Variants in RGS9 observed in about 807,000 individuals in gnomAD.
RGS9 encodes regulator of G-protein signalling 9.
A neutral mutation model predicts 102.0 loss-of-function variants in RGS9; 78 were observed. The ratio of observed to expected loss-of-function variants is 0.76; its 90% CI spans 0.64 to 0.92. RGS9 has a LOEUF of 0.92. Ranked by LOEUF, RGS9 falls within the 40% of genes least tolerant of loss-of-function variation. The pLI is 0.00. For missense variants in RGS9, 833 were observed against 866.1 expected, an observed-to-expected ratio of 0.96 and a Z score of 0.48; for synonymous variants, 353 against 318.6, an observed-to-expected ratio of 1.11 and a Z score of -1.15.
At chr17:65,144,244 C>T (rs766306647) in intron 1 of RGS9, among the ~76,000 whole-genome samples, 76 of 152,070 alleles carry the variant, frequency 5.0e-4, no homozygotes, top group African/African-American at 1.8e-3. Context: ...AGAAAAGTAC[C>T]GATTATTATT....
At chr17:65,186,304 C>T (rs1258098368) in intron 9 of RGS9, among the ~76,000 whole-genome samples, 3 of 151,774 alleles carry the variant, frequency 2.0e-5, no homozygotes, top group African/African-American at 2.4e-5. Flanking sequence ...TCAAGCAATT[C>T]TCCTGGGTCA....
Position 65,158,335 on chromosome 17 carries a change from C to T in RGS9, c.195C>T (p.Ile65=). The T allele has an allele frequency of 6.2e-7, 1 of 1,614,154 alleles. No homozygotes were observed. The highest frequency in any genetic ancestry group is 8.5e-7 in the Non-Finnish European group (1 of 1,180,012). ...VLQWIVQRLW[I]SSLEAQNLGN... ...AATGGATCGTCCAGCGGCTTTGGAT[C>T]TCCAGTCTGGGTGAGAGCTCATCTG... Residue 65 remains isoleucine, a synonymous_variant, in exon 3 of 19, where the codon ATC becomes ATT. Transcript: ENST00000262406.
intron 15 of RGS9, among the ~76,000 whole-genome samples, chr17:65,204,970 C>G (rs1382284127): frequency 6.6e-6 from 1 of 152,064 alleles, no homozygotes; most frequent in Non-Finnish European, 1.5e-5. Context: ...TTCTCACCAC[C>G]CTGGCCCCAG....
At chr17:65,177,961 G>T (rs1314549608) in intron 9 of RGS9, among the ~76,000 whole-genome samples, 158 bp downstream of exon 9, 2 of 152,208 alleles carry the variant, frequency 1.3e-5, no homozygotes, top group African/African-American at 2.4e-5. Context: ...AGGGTTAGGG[G>T]AGAAGTGGGA....
chr17:65,206,523 C>T (rs1158539687), intron 15 of RGS9, among the ~76,000 whole-genome samples: 1 of 152,034 alleles, frequency 6.6e-6, no homozygotes, highest in African/African-American at 2.4e-5. Context: ...ACCAAAAATA[C>T]AAAAATTAGC....
intron 18 of RGS9, among the ~76,000 whole-genome samples, chr17:65,226,858 G>T (rs1187084266): frequency 6.6e-6 from 1 of 151,882 alleles, no homozygotes; most frequent in African/African-American, 2.4e-5. Flanking sequence ...CAGGCGATCC[G>T]CCTGTCTCAG....
intron 8 of RGS9, among the ~76,000 whole-genome samples, chr17:65,177,055 GTCCATCCATCCA>G (rs35750645): frequency 5.3e-5 from 7 of 132,972 alleles, no homozygotes; most frequent in East Asian, 4.8e-4. Context: ...TCATTTGTTT[GTCCATCCATCCA>G]TCCATCCATC....
At chr17:65,199,018 C>A (rs1001078721) in intron 13 of RGS9, among the ~76,000 whole-genome samples, 1 of 152,090 alleles carries the variant, frequency 6.6e-6, no homozygotes, top group African/African-American at 2.4e-5. Flanking sequence ...GAGAATCCAG[C>A]GAAAAGATTT....
chr17:65,202,408 G>GGGGT (rs1555616145), intron 14 of RGS9, among the ~76,000 whole-genome samples: 23 of 132,340 alleles, frequency 1.7e-4, no homozygotes, highest in African/African-American at 6.6e-4. Context: ...TGTCCTGAGG[G>GGGGT]GTGTGTGTGT....
intron 8 of RGS9, among the ~76,000 whole-genome samples, chr17:65,172,403 C>A (rs573709962): frequency 6.6e-6 from 1 of 152,092 alleles, no homozygotes; most frequent in South Asian, 2.1e-4. Context: ...GGCGGTTTCA[C>A]CATGTTGGCC....
chr17:65,225,550 T>C, intron 18 of RGS9, 64 bp downstream of exon 18: 4 of 1,596,388 alleles, frequency 2.5e-6, no homozygotes, highest in Middle Eastern at 1.7e-4. Flanking sequence ...CCTCTGCATG[T>C]GAATATGCAT....
In RGS9 at chr17:65,215,475, TCTA is replaced by T. The variant is rs1567893140; in HGVS notation, c.1407+4871_1407+4873del. Among the ~76,000 whole-genome samples the T allele has an allele frequency of 7.9e-3, 1,007 of 127,272 alleles. 22 individuals are homozygous for T. The highest frequency in any genetic ancestry group is 0.032 in the African/African-American group (938 of 29,214). The allele number at this position is 127,272 out of a possible 152,430, so 83.5% of individuals were successfully genotyped here. ...GAGTTTCTCTTTCTTTCTTTCTTTC[TCTA>T]TCTTTCTTTCGTTCTTTCGTTCTTT... is the stretch of plus-strand genomic sequence containing the variant. On this transcript the variant is annotated intron_variant, in intron 17 of 18. Coordinates refer to ENST00000262406, the MANE Select transcript of RGS9 (RefSeq NM_003835.4).
chr17:65,167,869 A>C (rs564674522), intron 7 of RGS9, among the ~76,000 whole-genome samples: 154 of 152,242 alleles, frequency 1.0e-3, no homozygotes, highest in African/African-American at 3.7e-3. Context: ...TCCCAAGTGC[A>C]AGTGCCACTT....
chr17:65,138,597 G>C (rs968627476), intron 1 of RGS9, among the ~76,000 whole-genome samples: 2 of 151,992 alleles, frequency 1.3e-5, no homozygotes, highest in African/African-American at 4.8e-5. Context: ...GCAGAGGTGT[G>C]GGTATCATCT....
intron 17 of RGS9, among the ~76,000 whole-genome samples, chr17:65,216,987 G>C (rs952709355): frequency 1.3e-4 from 20 of 152,158 alleles, no homozygotes; most frequent in Admixed American, 9.8e-4. Context: ...AGTGGATGGA[G>C]AGAGAAAAGA....
rs1200038837 is a variant in RGS9, at chr17:65,189,385, A to G, written c.684+70A>G. On this transcript the variant is annotated intron_variant, in intron 10 of 18. Coordinates refer to ENST00000262406, the MANE Select transcript of RGS9 (RefSeq NM_003835.4). Reference sequence around the variant, plus strand: ...TAACAGGTTATATGTACTTTGTTTTACCCTCTGCGCTTGGTAATGAAATGA... The same window carrying G: ...TAACAGGTTATATGTACTTTGTTTTGCCCTCTGCGCTTGGTAATGAAATGA... The G allele has an allele frequency of 5.8e-6, 7 of 1,199,058 alleles. No individual in the cohort carries two copies. The African/African-American group carries it at 7.5e-5, about 13-fold the overall frequency. The allele number at this position is 1,199,058 out of a possible 1,614,324, so 74.3% of individuals were successfully genotyped here.
Position 65,183,101 on chromosome 17 carries a change from T to TATCTATCTATCTATCTATCCATCC in RGS9, c.654+5307_654+5308insTCTATCTATCCATCCATCTATCTA, listed in dbSNP as rs1479268031. On this transcript the variant is annotated intron_variant, in intron 9 of 18. Coordinates refer to ENST00000262406, the MANE Select transcript of RGS9 (RefSeq NM_003835.4). ...CTATCTATCTATCTATCTATCTATCTATCTATCTACCTACCTACCTACATA... is the reference window on the plus strand; with the variant it reads ...CTATCTATCTATCTATCTATCTATCTATCTATCTATCTATCTATCCATCCATCTATCTACCTACCTACCTACATA... 2.2e-3 allele frequency among the ~76,000 whole-genome samples: 335 copies of TATCTATCTATCTATCTATCCATCC among 149,312 alleles called. 2 individuals are homozygous for TATCTATCTATCTATCTATCCATCC. The highest frequency in any genetic ancestry group is 7.6e-3 in the African/African-American group (300 of 39,588).
intron 1 of RGS9, among the ~76,000 whole-genome samples, chr17:65,152,591 G>A (rs1910619810): frequency 6.6e-6 from 1 of 152,134 alleles, no homozygotes; most frequent in Non-Finnish European, 1.5e-5. Flanking sequence ...GTGCAGTGGT[G>A]CGATCATAGC....
Position 65,137,441 on chromosome 17 carries a change from C to T in RGS9, c.-100C>T. ...CCCCGCCCAGCCGCCTCCCCGTCGA[C>T]GCCCAGGGCTGGGGCGAGCCAGGCT... is the stretch of plus-strand genomic sequence containing the variant. On this transcript the variant is annotated 5_prime_UTR_variant, in exon 1 of 19. In the 5' UTR this introduces an upstream ATG that the reference lacks. Transcript: ENST00000262406. 8.1e-7 allele frequency: 1 copy of T among 1,240,510 alleles called. No individual in the cohort carries two copies. The highest frequency in any genetic ancestry group is 1.2e-6 in the Non-Finnish European group (1 of 854,728). 76.8% of individuals were successfully genotyped at this position (1,240,510 alleles called of 1,614,324 possible).
Sources: gnomAD v4.1 joint callset for allele counts (sites outside exome capture counted in the v4.1 genomes callset) on GRCh38, gnomAD v4.1.1 for gene constraint, MANE v1.5 for transcripts, NCBI Gene and HGNC (gene_info 2026-07-23, HGNC 2026-07-21) for gene names.